The following KIF7 variants were observed in gnomAD, a reference collection of about 807,000 sequenced individuals.
KIF7 encodes kinesin-like protein KIF7.
KIF7 carries 104 observed loss-of-function variants against 135.7 expected under a neutral mutation model. The observed-to-expected ratio is 0.77, with a 90% CI of 0.65 to 0.90. KIF7 has a LOEUF of 0.90. KIF7 is among the 40% of genes least tolerant of loss of function. The probability of loss-of-function intolerance (pLI) is 0.00; values close to 1 mark genes in which losing one functional copy is unlikely to be tolerated. For missense variants in KIF7, 2,005 were observed against 1,839.1 expected (o/e 1.09, Z -1.65); for synonymous variants, 883 against 809.4 (o/e 1.09, Z -1.54).
chr15:89,619,926 A>T (rs951207118), intron 1 of KIF7: 4 of 1,499,562 alleles, frequency 2.7e-6, no homozygotes. Flanking sequence ...GAAATTTGAC[A>T]TTTTCTTTCT....
intron 14 of KIF7, 147 bp downstream of exon 14, chr15:89,632,673 C>T (rs1963705398): frequency 2.5e-6 from 2 of 815,964 alleles, no homozygotes; most frequent in East Asian, 2.6e-5. Flanking sequence ...CATCACCTGG[C>T]AGGTTTATCA....
intron 11 of KIF7, among the ~76,000 whole-genome samples, chr15:89,640,415 CA>C (rs971780038): frequency 6.6e-6 from 1 of 152,082 alleles, no homozygotes; most frequent in African/African-American, 2.4e-5. Flanking sequence ...AATGAGCCTA[CA>C]AAAAGTGTAA....
At chr15:89,623,600 G>A, downstream of KIF7, 1 of 1,584,762 alleles carries the variant, frequency 6.3e-7, no homozygotes, top group East Asian at 2.2e-5. Context: ...TTCAAGGACT[G>A]AAATAAGCAT....
chr15:89,626,911 G>A (rs1963538438), downstream of KIF7: 2 of 1,595,910 alleles, frequency 1.3e-6, no homozygotes, highest in East Asian at 4.5e-5. Flanking sequence ...TTTCAGTTCG[G>A]TCCTCTGTGA....
intron 5 of KIF7, 118 bp from the exon 6 acceptor site, chr15:89,647,830 A>AGTTCCC: frequency 3.6e-6 from 3 of 839,078 alleles, no homozygotes; most frequent in Non-Finnish European, 5.6e-6. Flanking sequence ...CTGCAGTGGG[A>AGTTCCC]ACTCCAGACC....
At chr15:89,635,239 G>GA (rs1451410823) in intron 11 of KIF7, among the ~76,000 whole-genome samples, 7 of 152,208 alleles carry the variant, frequency 4.6e-5, no homozygotes, top group African/African-American at 1.4e-4. Flanking sequence ...AAACAGAGCA[G>GA]AAAAAATGGA....
At position 89,649,372 on chromosome 15, in the gene KIF7, G is replaced by A. The variant is rs991582441; in HGVS notation, c.530-5C>T. ...CCTCCTTCACCCCGCACAGCACTGCGGGCACAGAAGGCCGTGAGCCCCAGG... is the reference window on the plus strand; with the variant it reads ...CCTCCTTCACCCCGCACAGCACTGCAGGCACAGAAGGCCGTGAGCCCCAGG... On this transcript the variant is annotated splice_region_variant and splice_polypyrimidine_tract_variant and intron_variant, in intron 3 of 18. Transcript: ENST00000394412. The A allele has an allele frequency of 3.4e-5, 49 of 1,450,530 alleles. No homozygotes were observed. Among genetic ancestry groups the A allele is most frequent in the Non-Finnish European group, 4.0e-5 (44 of 1,099,298 alleles). The allele number at this position is 1,450,530 out of a possible 1,614,324, so 89.9% of individuals were successfully genotyped here. A position where few individuals can be genotyped will look rare whatever the true frequency, so the allele number is the denominator to read the frequency against.
rs759591288 is a variant in KIF7 at position 89,628,513 on chromosome 15, C to G, written c.3938G>C (p.Gly1313Ala). ...CAAAGGCCCAAAGTTCCAGGGCAGG[C>G]CTGCCTCACCCACAGGAAGCACCCG... The part of the protein sequence containing the change: ...VGRVLPVGEA[G>A]LPWNFGPLSK... Residue 1313 changes from glycine to alanine, a missense_variant, in exon 19 of 19, where the codon GGC (glycine) becomes GCC (alanine). Transcript: ENST00000394412. 6.2e-7 allele frequency: 1 copy of G among 1,612,992 alleles called. No individual in the cohort carries two copies. The highest frequency in any genetic ancestry group is 8.5e-7 in the Non-Finnish European group (1 of 1,179,990).
Position 89,628,449 on chromosome 15 carries a change from C to A in KIF7, c.4002G>T (p.Gly1334=). 6.2e-7 allele frequency: 1 copy of A among 1,609,632 alleles called. No individual in the cohort carries two copies. The highest frequency in any genetic ancestry group is 8.5e-7 in the Non-Finnish European group (1 of 1,177,882). ...PRRELRRASP[G]MIDVRKNPL is the part of the protein sequence containing the mutation. ...GGGGGTTTTTCCGGACATCAATCAT[C>A]CCCGGGCTGGCTCGTCGCAGTTCCC... The change falls in exon 19 of 19, where the codon GGG becomes GGT. Residue 1334 remains glycine (G), a synonymous_variant. Transcript: ENST00000394412.
intron 11 of KIF7, among the ~76,000 whole-genome samples, chr15:89,641,674 G>A (rs973418822): frequency 2.6e-5 from 4 of 152,166 alleles, no homozygotes; most frequent in African/African-American, 7.2e-5. Context: ...GGTGGCACGT[G>A]TCTGTAATCC....
chr15:89,643,737 T>C (rs1377108703), intron 10 of KIF7, among the ~76,000 whole-genome samples: 1 of 152,038 alleles, frequency 6.6e-6, no homozygotes, highest in Admixed American at 6.5e-5. Flanking sequence ...ATACAAAAAT[T>C]AGCTGGTTGT....
In KIF7 at chr15:89,652,794, C is replaced by G. The variant is rs959891471; in HGVS notation, c.137G>C (p.Arg46Pro). ...SCLQVEPGLG[R>P]VTLGRDRHFG... ...GTGTCGGTCACGGCCCAGAGTGACG[C>G]GGCCAAGCCCTGGCTCCACCTGCAG... The change falls in exon 2 of 19, where the codon CGC (arginine) becomes CCC (proline). Residue 46 changes from arginine (R) to proline (P), a missense_variant. Arg to Pro is a moderately radical substitution (Grantham distance 103, BLOSUM62 -2). Coordinates refer to ENST00000394412, the MANE Select transcript of KIF7 (RefSeq NM_198525.3). The G allele has an allele frequency of 1.3e-6, 2 of 1,551,270 alleles. No homozygotes were observed. Among genetic ancestry groups the G allele is most frequent in the Admixed American group, 3.9e-5 (2 of 51,012 alleles).
chr15:89,627,128 G>A (rs369998372), downstream of KIF7: 118 of 1,608,066 alleles, frequency 7.3e-5, no homozygotes, highest in Non-Finnish European at 9.6e-5. Flanking sequence ...GAGTCAGCCA[G>A]GACCCTGTGG....
chr15:89,628,893 A>G, intron 18 of KIF7, 83 bp downstream of exon 18: 1 of 1,611,002 alleles, frequency 6.2e-7, no homozygotes. Context: ...AATTGAGCCA[A>G]TAAAGGCTCG....
chr15:89,630,862 G>A (rs576797686), intron 15 of KIF7: 18 of 381,604 alleles, frequency 4.7e-5, no homozygotes, highest in South Asian at 1.6e-4. Flanking sequence ...ATCATTAGGC[G>A]TTTTCGACGT....
chr15:89,633,900 C>G lies in KIF7; in HGVS notation c.2395-17G>C. ...CTTCAGCACCTGGGACCCACACAGT[C>G]TTCACTGGGCCATGCACGGGGCTAC... On this transcript the variant is annotated splice_polypyrimidine_tract_variant and intron_variant, in intron 11 of 18. Coordinates refer to ENST00000394412, the MANE Select transcript of KIF7 (RefSeq NM_198525.3). 6.2e-7 allele frequency: 1 copy of G among 1,613,460 alleles called. No individual in the cohort carries two copies. Among genetic ancestry groups the G allele is most frequent in the Non-Finnish European group, 8.5e-7 (1 of 1,179,956 alleles).
At chr15:89,660,027 T>C (rs1050905122), upstream of KIF7, among the ~76,000 whole-genome samples, 5 of 152,084 alleles carry the variant, frequency 3.3e-5, no homozygotes, top group Non-Finnish European at 5.9e-5. Flanking sequence ...TGAAAACCCA[T>C]CTCTACTGAA....
chr15:89,634,592 T>G (rs960673189), intron 11 of KIF7, among the ~76,000 whole-genome samples: 1 of 152,142 alleles, frequency 6.6e-6, no homozygotes, highest in Non-Finnish European at 1.5e-5. Flanking sequence ...ATCGGGTCAC[T>G]CCCACCAGAA....
chr15:89,620,037 CA>C (rs1054021916), intron 1 of KIF7, among the ~76,000 whole-genome samples: 16 of 152,198 alleles, frequency 1.1e-4, no homozygotes, highest in African/African-American at 3.9e-4. Context: ...AGGACTCCTA[CA>C]ACTGGTCATC....
Sources: allele counts gnomAD v4.1 joint callset (sites outside exome capture counted in the v4.1 genomes callset), GRCh38; gene constraint gnomAD v4.1.1; transcripts MANE v1.5; gene names NCBI Gene and HGNC (gene_info 2026-07-23, HGNC 2026-07-21).